Variants in DNAH7 observed in about 807,000 individuals in gnomAD.
DNAH7 encodes dynein axonemal heavy chain 7, also known as axonemal beta dynein heavy chain 7.
In DNAH7, 397 loss-of-function variants were observed where a neutral mutation model predicts 444.6. The ratio of observed to expected loss-of-function variants is 0.89; its 90% confidence interval spans 0.82 to 0.97. The LOEUF is 0.97. Among genes scored for constraint, DNAH7 ranks in the 50% least tolerant of loss-of-function variants. The probability of loss-of-function intolerance (pLI) is 0.00; values close to 1 mark genes in which losing one functional copy is unlikely to be tolerated. For missense variants in DNAH7, 4,902 were observed against 4,800.8 expected (o/e 1.02, Z -0.62); for synonymous variants, 1,636 against 1,624.4 (o/e 1.01, Z -0.17).
At chr2:195,749,567 G>C (rs1693652192) in intron 63 of DNAH7, among the ~76,000 whole-genome samples, 1 of 151,790 alleles carries the variant, frequency 6.6e-6, no homozygotes, top group African/African-American at 2.4e-5. Flanking sequence ...CAATAGCAAA[G>C]ACTTGGAACC....
At chr2:195,914,171 C>T (rs1687529181) in intron 24 of DNAH7, among the ~76,000 whole-genome samples, 1 of 152,186 alleles carries the variant, frequency 6.6e-6, no homozygotes, top group South Asian at 2.1e-4. Flanking sequence ...GTTTTTTAAA[C>T]TGACTTTCCC....
intron 19 of DNAH7, among the ~76,000 whole-genome samples, chr2:195,952,244 T>C (rs1186612028): frequency 6.6e-6 from 1 of 152,232 alleles, no homozygotes; most frequent in Non-Finnish European, 1.5e-5. Flanking sequence ...TCTTTAAGAA[T>C]GTTGAATATT....
intron 2 of DNAH7, among the ~76,000 whole-genome samples, chr2:196,052,820 C>T (rs963716182): frequency 2.6e-5 from 4 of 152,152 alleles, no homozygotes; most frequent in South Asian, 2.1e-4. Flanking sequence ...AGTCAGAGGG[C>T]GCATCAAGAA....
At chr2:196,055,580 C>T (rs1559375343) in intron 2 of DNAH7, among the ~76,000 whole-genome samples, 1 of 152,184 alleles carries the variant, frequency 6.6e-6, no homozygotes, top group Admixed American at 6.5e-5. Flanking sequence ...ATGAGCACAA[C>T]ATTTTCAAGC....
At chr2:195,778,112 A>T in intron 58 of DNAH7, 127 bp from the exon 59 acceptor site, 1 of 822,366 alleles carries the variant, frequency 1.2e-6, no homozygotes, top group Non-Finnish European at 1.7e-6. Context: ...TTCCCTTCGT[A>T]TGCTTCCCTG....
chr2:195,877,635 A>T (rs1416211896), intron 36 of DNAH7, among the ~76,000 whole-genome samples: 3 of 152,206 alleles, frequency 2.0e-5, no homozygotes, highest in African/African-American at 7.2e-5. Context: ...ACATATTTTA[A>T]AAAGGACTTA....
At chr2:195,928,406 T>C (rs1688478868) in intron 21 of DNAH7, among the ~76,000 whole-genome samples, 1 of 152,178 alleles carries the variant, frequency 6.6e-6, no homozygotes, top group Non-Finnish European at 1.5e-5. Flanking sequence ...AAATAATGAC[T>C]TATTACTCTA....
At chr2:195,834,082 C>T (rs915664650) in intron 48 of DNAH7, 124 bp downstream of exon 48, 1 of 980,740 alleles carries the variant, frequency 1.0e-6, no homozygotes, top group Non-Finnish European at 1.5e-6. Context: ...GGGCATGTGC[C>T]TGTAGTCTCA....
intron 61 of DNAH7, among the ~76,000 whole-genome samples, chr2:195,762,577 C>A (rs1359057562): frequency 6.6e-6 from 1 of 152,000 alleles, no homozygotes; most frequent in Admixed American, 6.6e-5. Flanking sequence ...GCAGGAGTAG[C>A]TATACTTATA....
chr2:195,863,828 C>G (rs1331971629), intron 41 of DNAH7, among the ~76,000 whole-genome samples: 1 of 152,174 alleles, frequency 6.6e-6, no homozygotes, highest in Non-Finnish European at 1.5e-5. Context: ...ACCCTGCCTA[C>G]CCCTCTGTGA....
At chr2:195,938,045 C>A (rs971461394) in intron 19 of DNAH7, among the ~76,000 whole-genome samples, 1 of 151,810 alleles carries the variant, frequency 6.6e-6, no homozygotes, top group Non-Finnish European at 1.5e-5. Context: ...AAAAATGTAA[C>A]CAGTAAATTT....
At chr2:195,798,403 C>T (rs547247149) in intron 55 of DNAH7, among the ~76,000 whole-genome samples, 2 of 151,930 alleles carry the variant, frequency 1.3e-5, no homozygotes. Context: ...TGTACCAAAT[C>T]GAAAAAATTC....
chr2:195,852,595 C>A (rs1174666270), intron 46 of DNAH7, among the ~76,000 whole-genome samples: 1 of 152,002 alleles, frequency 6.6e-6, no homozygotes, highest in East Asian at 1.9e-4. Flanking sequence ...CTAAAAAGAG[C>A]TGAATAGTAT....
intron 15 of DNAH7, among the ~76,000 whole-genome samples, chr2:195,983,692 T>C (rs1692721122): frequency 1.3e-5 from 2 of 152,152 alleles, no homozygotes; most frequent in African/African-American, 2.4e-5. Context: ...AACATAGAAG[T>C]AACATGAGAA....
At chr2:196,056,130 G>A (rs895056011) in intron 2 of DNAH7, among the ~76,000 whole-genome samples, 7 of 152,156 alleles carry the variant, frequency 4.6e-5, no homozygotes, top group Non-Finnish European at 1.0e-4. Flanking sequence ...ACAGTTCTGT[G>A]CTAGCTTCTC....
At chr2:195,944,195 A>G (rs1044262922) in intron 19 of DNAH7, among the ~76,000 whole-genome samples, 1 of 152,090 alleles carries the variant, frequency 6.6e-6, no homozygotes, top group Non-Finnish European at 1.5e-5. Flanking sequence ...TCCACCCCTA[A>G]GTGGAGTTAT....
At chr2:196,025,996 G>A (rs1259104108) in intron 7 of DNAH7, among the ~76,000 whole-genome samples, 1 of 152,156 alleles carries the variant, frequency 6.6e-6, no homozygotes, top group Non-Finnish European at 1.5e-5. Flanking sequence ...CCAGAAGTCA[G>A]TATTTTTAAA....
At chr2:195,898,651 G>A (rs1201628395) in intron 28 of DNAH7, among the ~76,000 whole-genome samples, 2 of 152,214 alleles carry the variant, frequency 1.3e-5, no homozygotes, top group Non-Finnish European at 2.9e-5. Flanking sequence ...AGAAGCCGAA[G>A]TGGAAGGGCA....
intron 58 of DNAH7, among the ~76,000 whole-genome samples, chr2:195,783,801 CAAA>C (rs1695494617): frequency 6.6e-6 from 1 of 152,116 alleles, no homozygotes; most frequent in South Asian, 2.1e-4. Context: ...TCCTAAAAGG[CAAA>C]AATAGTCTCC....
Sources: gnomAD v4.1 joint callset for allele counts (sites outside exome capture counted in the v4.1 genomes callset) on GRCh38, gnomAD v4.1.1 for gene constraint, MANE v1.5 for transcripts, NCBI Gene and HGNC (gene_info 2026-07-23, HGNC 2026-07-21) for gene names.